Variants in MYO15B observed in about 807,000 individuals in gnomAD.
The protein encoded by MYO15B is myosin XVB, also known as myosin XVB pseudogene.
Under a neutral mutation model 119.3 loss-of-function variants are expected in MYO15B, and 207 were observed. The ratio of observed to expected loss-of-function variants is 1.73; its 90% confidence interval spans 1.55 to 1.95. The LOEUF (loss-of-function observed/expected upper bound fraction) is 1.95, where lower values mean the gene tolerates loss of function less well. Among genes scored for constraint, MYO15B ranks in the 30% most tolerant of loss-of-function variants. The pLI, the probability that MYO15B is intolerant of heterozygous loss-of-function variation, is 0.00. For synonymous variants in MYO15B, 966 were observed against 498.9 expected (o/e 1.94, Z -12.48); for missense variants, 2,264 against 1,203.1 (o/e 1.88, Z -13.04).
intron 16 of MYO15B, 45 bp from the exon 17 acceptor site, chr17:75,602,785 G>A (rs2057368050): frequency 1.6e-6 from 1 of 607,084 alleles, no homozygotes; most frequent in Non-Finnish European, 2.9e-6. Flanking sequence ...CAGGGTGGAT[G>A]GGCACGCCCC....
exon 38 of MYO15B, chr17:75,616,444 C>T: frequency 1.6e-6 from 1 of 638,116 alleles, no homozygotes; most frequent in South Asian, 1.8e-5. Flanking sequence ...GAAACAAGAG[C>T]AGGTTGTGGG....
chr17:75,610,293 A>T (rs2057940246), intron 22 of MYO15B, 34 bp downstream of exon 22: 2 of 662,382 alleles, frequency 3.0e-6, no homozygotes, highest in African/African-American at 3.6e-5. Context: ...TTCAGGGTAG[A>T]AGCCAGGCTG....
rs2058044233 is a variant in MYO15B, at chr17:75,611,754, A to G, written c.4504+96A>G. ...TTGTGGTTCCTCCCTCTGATGCTCCAGACTCCCCTGAGCTCATCACTTGGG... is the reference window on the plus strand; with the variant it reads ...TTGTGGTTCCTCCCTCTGATGCTCCGGACTCCCCTGAGCTCATCACTTGGG... On this transcript the variant is annotated intron_variant, in intron 24 of 63. Coordinates refer to ENST00000645453, the Ensembl canonical transcript of MYO15B. 6 of 697,630 alleles carry G rather than the reference A, an allele frequency of 8.6e-6. No homozygotes were observed. The South Asian group carries it at 8.9e-5, about 10-fold the overall frequency. The allele number at this position is 697,630 out of a possible 1,614,324, so 43.2% of individuals were successfully genotyped here.
chr17:75,626,644 G>A (rs1033540570), exon 64 of MYO15B: 6 of 611,746 alleles, frequency 9.8e-6, no homozygotes, highest in Admixed American at 5.4e-5. Flanking sequence ...CTGCTATCAC[G>A]TCACCAGCAG....
At chr17:75,613,400 C>T in exon 28 of MYO15B, 1 of 674,150 alleles carries the variant, frequency 1.5e-6, no homozygotes, top group Admixed American at 2.5e-5. Context: ...CGGGCCCACC[C>T]CCCGACCCAG....
chr17:75,601,349 A>T (rs2057270342), intron 14 of MYO15B, 89 bp from the exon 15 acceptor site: 1 of 670,066 alleles, frequency 1.5e-6, no homozygotes, highest in Non-Finnish European at 2.7e-6. Flanking sequence ...TAGTCAGTGT[A>T]GGCAGTACTC....
At chr17:75,614,790 G>A (rs1203229984) in exon 32 of MYO15B, 2 of 702,862 alleles carry the variant, frequency 2.8e-6, no homozygotes, top group East Asian at 5.4e-5. Context: ...CCAGAGGTCA[G>A]GGAGCCTGGA....
At chr17:75,611,653 C>T (rs373028622) in exon 24 of MYO15B, 5 of 702,652 alleles carry the variant, frequency 7.1e-6, no homozygotes, top group East Asian at 2.7e-5. Flanking sequence ...CTGAAGACGG[C>T]GGAAAGTGAG....
At chr17:75,620,354 C>A in exon 48 of MYO15B, 1 of 702,934 alleles carries the variant, frequency 1.4e-6, no homozygotes, top group Non-Finnish European at 2.6e-6. Context: ...CACCCTGGAG[C>A]CAGGTATCGC....
In MYO15B at chr17:75,613,696, C is replaced by T; in HGVS notation, c.5147-9C>T. On this transcript the variant is annotated splice_polypyrimidine_tract_variant and intron_variant, in intron 28 of 63. Transcript: ENST00000645453. ...CTCACTCTTGCCCCCGCCCCCCATG[C>T]CCCTGCAGAGGAGTGCTACTCGGCC... is the stretch of plus-strand genomic sequence containing the variant. 1 of 701,544 alleles carries T rather than the reference C, an allele frequency of 1.4e-6. No individual in the cohort carries two copies. Among genetic ancestry groups the T allele is most frequent in the Non-Finnish European group, 2.6e-6 (1 of 384,292 alleles). The allele number at this position is 701,544 out of a possible 1,614,324, so 43.5% of individuals were successfully genotyped here.
rs979218657 is a variant in MYO15B at position 75,592,682 on chromosome 17, C to T, written c.2833C>T (p.Gln945Ter). 1.1e-5 allele frequency: 8 copies of T among 700,334 alleles called. No homozygotes were observed. In the East Asian group the frequency reaches 2.1e-4, roughly 19 times the overall value. 43.4% of individuals were successfully genotyped at this position (700,334 alleles called of 1,614,324 possible). A position where few individuals can be genotyped will look rare whatever the true frequency, so the allele number is the denominator to read the frequency against. The change falls in exon 9 of 64, where the codon CAG becomes TAG. Residue 945 changes from glutamine (Q) to a stop codon, truncating the protein, a stop_gained. Transcript: ENST00000645453. LOFTEE classifies it high-confidence loss of function. Reference sequence around the variant, plus strand: ...TCACCCCTGCTGTGCTCTGCAGGGCCAGGCCTGCAGGCTGCAAGGCAAGGA... The same window carrying T: ...TCACCCCTGCTGTGCTCTGCAGGGCTAGGCCTGCAGGCTGCAAGGCAAGGA...
exon 38 of MYO15B, chr17:75,616,417 A>T: frequency 1.6e-6 from 1 of 628,960 alleles, no homozygotes; most frequent in Non-Finnish European, 2.8e-6. Context: ...GAGGAGGAGC[A>T]GGAGGAGCAA....
At chr17:75,610,716 C>T in intron 22 of MYO15B, 184 bp from the exon 23 acceptor site, 1 of 590,448 alleles carries the variant, frequency 1.7e-6, no homozygotes, top group Non-Finnish European at 3.0e-6. Context: ...CACAGACGCC[C>T]ACAGTGCTAA....
At chr17:75,598,598 G>A (rs1361796081) in intron 14 of MYO15B, among the ~76,000 whole-genome samples, 1 of 151,312 alleles carries the variant, frequency 6.6e-6, no homozygotes, top group Non-Finnish European at 1.5e-5. Context: ...TATTGTAATA[G>A]TTCGTTGATC....
chr17:75,615,170 G>T lies in MYO15B; in HGVS notation c.5642-70G>T. The T allele has an allele frequency of 5.9e-6, 4 of 683,466 alleles. No individual in the cohort carries two copies. The East Asian group carries it at 8.1e-5, about 14-fold the overall frequency. The allele number at this position is 683,466 out of a possible 1,614,324, so 42.3% of individuals were successfully genotyped here. ...ACCCCGGTGCCCGATGCTCTTCTCT[G>T]TGCCTGGGGCTGGAGGGAGGTGGCA... On this transcript the variant is annotated intron_variant, in intron 33 of 63. Coordinates refer to ENST00000645453, the Ensembl canonical transcript of MYO15B.
intron 22 of MYO15B, 149 bp from the exon 23 acceptor site, chr17:75,610,750 CA>C (rs1394539683): frequency 3.2e-6 from 2 of 630,022 alleles, no homozygotes; most frequent in Non-Finnish European, 5.8e-6. Flanking sequence ...CCTGGAGGGC[CA>C]GGGGTGGCTG....
chr17:75,621,888 C>T (rs1433763444), intron 52 of MYO15B, 116 bp from the exon 53 acceptor site: 1 of 641,318 alleles, frequency 1.6e-6, no homozygotes, highest in Non-Finnish European at 2.8e-6. Flanking sequence ...GGCATCTATG[C>T]ATTTTGAGAG....
exon 56 of MYO15B, chr17:75,624,232 G>A (rs767347192): frequency 1.7e-4 from 116 of 702,848 alleles, no homozygotes; most frequent in Admixed American, 5.6e-4. Flanking sequence ...GGGGGGCGCC[G>A]GCGGATGCCC....
rs145968757 is a variant in MYO15B, at chr17:75,593,167, C to T, written c.2991+327C>T. 1.3e-3 allele frequency: 237 copies of T among 178,762 alleles called. 1 individual carries two copies. Among genetic ancestry groups the T allele is most frequent in the African/African-American group, 5.6e-3 (220 of 38,958 alleles). The allele number at this position is 178,762 out of a possible 1,614,324, so 11.1% of individuals were successfully genotyped here. ...GTGAAGCCAGGAGTTTGAGACCAGC[C>T]TAGGCAACATAGAGAAACCCCGTCT... On this transcript the variant is annotated intron_variant, in intron 9 of 63. Transcript: ENST00000645453.
Sources: gnomAD v4.1 joint callset for allele counts (sites outside exome capture counted in the v4.1 genomes callset) on GRCh38, gnomAD v4.1.1 for gene constraint, MANE v1.5 for transcripts, NCBI Gene and HGNC (gene_info 2026-07-23, HGNC 2026-07-21) for gene names.